The following TDRD3 variants were observed in gnomAD, a reference collection of about 807,000 sequenced individuals.
TDRD3 encodes the protein tudor domain-containing protein 3.
TDRD3 carries 45 observed loss-of-function variants against 86.7 expected under a neutral mutation model. The ratio of observed to expected loss-of-function variants is 0.52; its 90% confidence interval spans 0.41 to 0.67. The LOEUF is 0.67. Among genes scored for constraint, TDRD3 ranks in the 30% least tolerant of loss-of-function variants. TDRD3 has a pLI of 0.00. For missense variants in TDRD3, 814 were observed against 889.0 expected (o/e 0.92, Z 1.07); for synonymous variants, 298 against 301.7 (o/e 0.99, Z 0.13).
intron 3 of TDRD3, among the ~76,000 whole-genome samples, chr13:60,460,077 T>C (rs1955772237): frequency 6.6e-6 from 1 of 152,234 alleles, no homozygotes; most frequent in Non-Finnish European, 1.5e-5. Context: ...GCAATAAATA[T>C]ACCTTTCATC....
At position 60,485,928 on chromosome 13, in the gene TDRD3, G is replaced by A. The variant is rs371005899; in HGVS notation, c.697G>A (p.Glu233Lys). ...FEKQRTAAIAEVAKSKETKTF... is the reference protein window; with the variant it reads ...FEKQRTAAIAKVAKSKETKTF... ...AAAGCAAAGGACGGCTGCTATTGCT[G>A]AAGTTGCAAAGAGCAAGGAAGTAAG... is the stretch of plus-strand genomic sequence containing the variant. Residue 233 changes from glutamate to lysine, a missense_variant, in exon 7 of 14, where the codon GAA becomes AAA. By Grantham distance (56) the Glu-to-Lys change is moderately conservative. Transcript: ENST00000377881. 4 of 1,608,784 alleles carry A rather than the reference G, an allele frequency of 2.5e-6. No homozygotes were observed. The African/African-American group carries it at 5.4e-5, about 22-fold the overall frequency.
intron 1 of TDRD3, among the ~76,000 whole-genome samples, chr13:60,397,609 CGGCGGCGGCCTGGGCCCCG>C (rs1953961213): frequency 1.4e-5 from 2 of 145,938 alleles, no homozygotes; most frequent in African/African-American, 2.5e-5. Flanking sequence ...GAGGCGGCGG[CGGCGGCGGCCTGGGCCCCG>C]GGCGGCGGGC....
intron 1 of TDRD3, among the ~76,000 whole-genome samples, chr13:60,420,202 G>A (rs755531109): frequency 6.6e-6 from 1 of 151,994 alleles, no homozygotes; most frequent in African/African-American, 2.4e-5. Context: ...ACAACAAAAA[G>A]AAATTGGATT....
chr13:60,480,860 T>A (rs559344219), intron 5 of TDRD3, among the ~76,000 whole-genome samples: 82 of 151,908 alleles, frequency 5.4e-4, no homozygotes, highest in Non-Finnish European at 1.1e-3. Context: ...GCTCCTTTGG[T>A]AACAGCTGGG....
chr13:60,419,419 G>A (rs1954602966), intron 1 of TDRD3, among the ~76,000 whole-genome samples: 1 of 152,072 alleles, frequency 6.6e-6, no homozygotes, highest in Non-Finnish European at 1.5e-5. Context: ...AGAAAATATG[G>A]AACATATACA....
chr13:60,435,693 C>T (rs894203444), intron 1 of TDRD3, among the ~76,000 whole-genome samples: 1 of 152,126 alleles, frequency 6.6e-6, no homozygotes, highest in African/African-American at 2.4e-5. Flanking sequence ...TAAGTTGGTT[C>T]CACATCTTTG....
chr13:60,396,433 G>A (rs958263054), upstream of TDRD3: 1 of 152,380 alleles, frequency 6.6e-6, no homozygotes, highest in Admixed American at 6.5e-5. Flanking sequence ...GCTGGGCGAC[G>A]GCGGCGCGCA....
In TDRD3 at chr13:60,494,423, T is replaced by G; in HGVS notation, c.718-12T>G. On this transcript the variant is annotated splice_polypyrimidine_tract_variant and intron_variant, in intron 7 of 13. Transcript: ENST00000377881. The stretch of plus-strand genomic sequence containing the variant: ...TCTACATACCTCTCTTTTATCTTTC[T>G]CTTATGTAAAGACCAAGACATTTGG... The G allele has an allele frequency of 6.2e-7, 1 of 1,606,732 alleles. No homozygotes were observed.
intron 8 of TDRD3, among the ~76,000 whole-genome samples, chr13:60,496,810 G>T (rs1460918771): frequency 6.6e-6 from 1 of 152,144 alleles, no homozygotes; most frequent in African/African-American, 2.4e-5. Context: ...GAGTCTTATT[G>T]TTACTGGAGG....
intron 1 of TDRD3, among the ~76,000 whole-genome samples, chr13:60,408,679 T>G (rs1393890200): frequency 6.6e-6 from 1 of 152,182 alleles, no homozygotes; most frequent in Admixed American, 6.5e-5. Context: ...AGAAGAAATT[T>G]CTAAGCAGCA....
intron 12 of TDRD3, among the ~76,000 whole-genome samples, chr13:60,555,951 C>T (rs992531553): frequency 1.8e-4 from 27 of 150,822 alleles, no homozygotes; most frequent in Non-Finnish European, 3.7e-4. Flanking sequence ...CCCAGGTTCA[C>T]GCCATTCTCC....
intron 1 of TDRD3, among the ~76,000 whole-genome samples, chr13:60,415,046 A>G (rs1954465649): frequency 6.6e-6 from 1 of 152,130 alleles, no homozygotes; most frequent in Non-Finnish European, 1.5e-5. Flanking sequence ...TTGGTAGCCA[A>G]TCATATTTAA....
intron 11 of TDRD3, among the ~76,000 whole-genome samples, chr13:60,529,980 A>G (rs1469430895): frequency 6.6e-6 from 1 of 152,152 alleles, no homozygotes. Flanking sequence ...CTTCTGCCCA[A>G]CATGCTCTTC....
chr13:60,423,358 A>G (rs953719203), intron 1 of TDRD3, among the ~76,000 whole-genome samples: 1 of 152,182 alleles, frequency 6.6e-6, no homozygotes, highest in South Asian at 2.1e-4. Context: ...TACTGCTTTC[A>G]TTACTAGTAA....
At chr13:60,437,559 A>G (rs1364839589) in intron 1 of TDRD3, among the ~76,000 whole-genome samples, 5 of 151,740 alleles carry the variant, frequency 3.3e-5, no homozygotes, top group African/African-American at 1.2e-4. Context: ...CTTCATCTGT[A>G]AAGTTGAAGA....
intron 6 of TDRD3, chr13:60,484,629 A>AT: frequency 2.3e-6 from 1 of 434,506 alleles, no homozygotes; most frequent in South Asian, 1.7e-5. Flanking sequence ...TAAATAAGTC[A>AT]TTTTTGCATC....
At chr13:60,418,669 TTAAG>T (rs753540088) in intron 1 of TDRD3, among the ~76,000 whole-genome samples, 1 of 152,202 alleles carries the variant, frequency 6.6e-6, no homozygotes. Context: ...TTGTGTACGT[TTAAG>T]TAACCCCCAT....
At chr13:60,477,538 T>C (rs1370480886) in intron 5 of TDRD3, among the ~76,000 whole-genome samples, 2 of 152,180 alleles carry the variant, frequency 1.3e-5, no homozygotes, top group South Asian at 4.1e-4. Flanking sequence ...TATTTTGAGA[T>C]ATGTTCCTTA....
At chr13:60,488,425 T>C (rs1373052412) in intron 7 of TDRD3, among the ~76,000 whole-genome samples, 1 of 152,156 alleles carries the variant, frequency 6.6e-6, no homozygotes. Flanking sequence ...TTTCTGTTTA[T>C]ACAAAAAAAC....
Sources: allele counts gnomAD v4.1 joint callset (sites outside exome capture counted in the v4.1 genomes callset), GRCh38; gene constraint gnomAD v4.1.1; transcripts MANE v1.5; gene names NCBI Gene and HGNC (gene_info 2026-07-23, HGNC 2026-07-21).